CNTNAP2: variants seen among roughly 807,000 people sequenced by gnomAD.
The protein encoded by CNTNAP2 is contactin associated protein 2, also known as contactin-associated protein-like 2.
In CNTNAP2, 98 loss-of-function variants were observed where a neutral mutation model predicts 155.2. The ratio of observed to expected loss-of-function variants is 0.63; its 90% confidence interval spans 0.54 to 0.75. CNTNAP2 has a LOEUF of 0.75. Ranked by LOEUF, CNTNAP2 falls within the 30% of genes least tolerant of loss-of-function variation. CNTNAP2 has a pLI of 0.00. For synonymous variants in CNTNAP2, 651 were observed against 631.2 expected, an observed-to-expected ratio of 1.03 and a Z score of -0.47; for missense variants, 1,727 against 1,688.1, an observed-to-expected ratio of 1.02 and a Z score of -0.40.
chr7:147,447,928 A>C (rs1199270859), intron 10 of CNTNAP2, among the ~76,000 whole-genome samples: 1 of 152,148 alleles, frequency 6.6e-6, no homozygotes, highest in East Asian at 1.9e-4. Context: ...CACTACTCAA[A>C]TATGATAAAG....
chr7:147,748,351 C>T (rs531583151), intron 13 of CNTNAP2, among the ~76,000 whole-genome samples: 6 of 151,988 alleles, frequency 3.9e-5, no homozygotes, highest in African/African-American at 9.6e-5. Flanking sequence ...TGATCATGCA[C>T]ATTAAGATGT....
intron 9 of CNTNAP2, among the ~76,000 whole-genome samples, chr7:147,349,638 G>C (rs894606905): frequency 1.3e-5 from 2 of 151,716 alleles, no homozygotes; most frequent in Non-Finnish European, 3.0e-5. Context: ...CAGATATCCC[G>C]CATTTGATTA....
At chr7:146,568,749 C>T (rs1798395506) in intron 1 of CNTNAP2, among the ~76,000 whole-genome samples, 1 of 152,036 alleles carries the variant, frequency 6.6e-6, no homozygotes, top group South Asian at 2.1e-4. Context: ...AAAACTCTTT[C>T]CAAATACTGT....
chr7:147,459,375 C>G (rs1360504405), intron 10 of CNTNAP2, among the ~76,000 whole-genome samples: 3 of 152,056 alleles, frequency 2.0e-5, no homozygotes, highest in Admixed American at 2.0e-4. Flanking sequence ...TAGCCCTTTA[C>G]CTATGACAGA....
chr7:148,204,849 A>T (rs1795422826), intron 18 of CNTNAP2, among the ~76,000 whole-genome samples: 1 of 152,212 alleles, frequency 6.6e-6, no homozygotes, highest in East Asian at 1.9e-4. Flanking sequence ...TGACTCTGTG[A>T]TTAGCTGGGT....
At chr7:146,915,055 C>T (rs997426379) in intron 3 of CNTNAP2, among the ~76,000 whole-genome samples, 3 of 152,034 alleles carry the variant, frequency 2.0e-5, no homozygotes, top group Non-Finnish European at 4.4e-5. Context: ...GTTATCCCAG[C>T]ACCATTTGTT....
chr7:146,194,074 G>A (rs2116856489), intron 1 of CNTNAP2, among the ~76,000 whole-genome samples: 1 of 152,278 alleles, frequency 6.6e-6, no homozygotes, highest in South Asian at 2.1e-4. Flanking sequence ...TTTGGTCACA[G>A]CCATTCAACG....
At chr7:147,364,002 G>T (rs1796186569) in intron 9 of CNTNAP2, among the ~76,000 whole-genome samples, 1 of 152,128 alleles carries the variant, frequency 6.6e-6, no homozygotes, top group South Asian at 2.1e-4. Context: ...TAAATAACTT[G>T]TAGAAGATCA....
At chr7:146,514,438 ACT>A (rs1415785795) in intron 1 of CNTNAP2, among the ~76,000 whole-genome samples, 5 of 150,872 alleles carry the variant, frequency 3.3e-5, no homozygotes, top group African/African-American at 9.8e-5. Context: ...TTCTCCTGTG[ACT>A]CTATTTTCAA....
chr7:147,604,521 G>A (rs2116866235), intron 12 of CNTNAP2, among the ~76,000 whole-genome samples: 1 of 152,264 alleles, frequency 6.6e-6, no homozygotes, highest in African/African-American at 2.4e-5. Flanking sequence ...GGATAAAACA[G>A]GTTGTTCTCA....
chr7:147,499,575 C>A (rs962506048), intron 11 of CNTNAP2, among the ~76,000 whole-genome samples: 2 of 152,152 alleles, frequency 1.3e-5, no homozygotes, highest in East Asian at 1.9e-4. Flanking sequence ...AGCAACTATG[C>A]CTAAAAAATG....
intron 5 of CNTNAP2, among the ~76,000 whole-genome samples, chr7:147,114,513 A>T (rs1209754017): frequency 6.6e-6 from 1 of 152,166 alleles, no homozygotes; most frequent in Non-Finnish European, 1.5e-5. Flanking sequence ...GTGCATATAT[A>T]TTTATGATAG....
chr7:147,186,838 G>T (rs867432444), intron 8 of CNTNAP2, among the ~76,000 whole-genome samples: 5 of 152,146 alleles, frequency 3.3e-5, no homozygotes, highest in African/African-American at 9.7e-5. Context: ...GGATAGAAAT[G>T]CAGGTTTGGT....
At chr7:147,381,818 CAT>C (rs768603505) in intron 9 of CNTNAP2, among the ~76,000 whole-genome samples, 17 of 151,856 alleles carry the variant, frequency 1.1e-4, no homozygotes, top group Admixed American at 2.0e-4. Flanking sequence ...TTAGTATAAA[CAT>C]ATTTTATATA....
intron 1 of CNTNAP2, among the ~76,000 whole-genome samples, chr7:146,518,368 A>G (rs185255961): frequency 9.1e-4 from 138 of 152,014 alleles, no homozygotes; most frequent in South Asian, 2.9e-3. Context: ...ATAAACCAAT[A>G]AAGTTTGGCT....
chr7:146,990,553 T>C (rs1231713369), intron 3 of CNTNAP2, among the ~76,000 whole-genome samples: 2 of 151,720 alleles, frequency 1.3e-5, no homozygotes, highest in East Asian at 3.9e-4. Flanking sequence ...CTGTGGCTGA[T>C]TTTTTTTTCT....
chr7:146,273,975 A>G (rs2129083788), intron 1 of CNTNAP2, among the ~76,000 whole-genome samples: 1 of 152,326 alleles, frequency 6.6e-6, no homozygotes, highest in Non-Finnish European at 1.5e-5. Context: ...CCTTATGTGT[A>G]AGACCTTGAC....
intron 12 of CNTNAP2, among the ~76,000 whole-genome samples, chr7:147,622,349 T>A (rs918654697): frequency 6.6e-6 from 1 of 152,130 alleles, no homozygotes; most frequent in Admixed American, 6.5e-5. Context: ...TTTCCCTCAG[T>A]ATATGGATGA....
At chr7:146,485,420 GAGGAA>G (rs1268216277) in intron 1 of CNTNAP2, among the ~76,000 whole-genome samples, 1 of 152,146 alleles carries the variant, frequency 6.6e-6, no homozygotes, top group Admixed American at 6.5e-5. Flanking sequence ...ATTGAGAGAT[GAGGAA>G]AGTCAGCTCA....
Sources: gnomAD v4.1 joint callset for allele counts (sites outside exome capture counted in the v4.1 genomes callset) on GRCh38, gnomAD v4.1.1 for gene constraint, MANE v1.5 for transcripts, NCBI Gene and HGNC (gene_info 2026-07-23, HGNC 2026-07-21) for gene names.